Variants in CFAP20DC observed in about 807,000 individuals in gnomAD.
CFAP20DC encodes the protein CFAP20 domain containing.
A neutral mutation model predicts 101.7 loss-of-function variants in CFAP20DC; 84 were observed. The ratio of observed to expected loss-of-function variants is 0.83; its 90% CI spans 0.69 to 0.99. The LOEUF (loss-of-function observed/expected upper bound fraction) is 0.99. Ranked by LOEUF, CFAP20DC falls within the 50% of genes least tolerant of loss-of-function variation. The probability of loss-of-function intolerance (pLI) is 0.00; values close to 1 mark genes in which losing one functional copy is unlikely to be tolerated. For missense variants in CFAP20DC, 1,007 were observed against 970.3 expected (o/e 1.04, Z -0.50); for synonymous variants, 359 against 351.2 (o/e 1.02, Z -0.25).
At chr3:58,926,609 C>T (rs1460027666) in intron 5 of CFAP20DC, among the ~76,000 whole-genome samples, 1 of 152,130 alleles carries the variant, frequency 6.6e-6, no homozygotes, top group African/African-American at 2.4e-5. Context: ...AAATTAAACA[C>T]TATTAAAAAC....
chr3:58,806,370 A>C, intron 15 of CFAP20DC, 25 bp downstream of exon 15: 3 of 1,477,896 alleles, frequency 2.0e-6, no homozygotes, highest in Non-Finnish European at 2.8e-6. Context: ...TTTTTTCTTA[A>C]ATGTAGATTA....
rs139398435 is a variant in CFAP20DC at position 58,949,383 on chromosome 3, C to A, written c.279-11621G>T. 7.0e-3 allele frequency among the ~76,000 whole-genome samples: 1,067 copies of A among 152,204 alleles called. 15 individuals carry two copies. Among genetic ancestry groups the A allele is most frequent in the African/African-American group, 0.024 (1,001 of 41,530 alleles). ...TCTTTTAATTGTGATGTTACGGTGT[C>A]AATTTTAGATCTTTCCTGCTTTCAC... On this transcript the variant is annotated intron_variant, in intron 4 of 16. Coordinates refer to ENST00000482387, the MANE Select transcript of CFAP20DC (RefSeq NM_001394063.1).
At chr3:59,025,005 G>A (rs1274271459) in intron 4 of CFAP20DC, among the ~76,000 whole-genome samples, 2 of 152,148 alleles carry the variant, frequency 1.3e-5, no homozygotes, top group Admixed American at 1.3e-4. Flanking sequence ...GCAAACAGGG[G>A]CAGTGGAAAA....
chr3:58,822,015 A>C (rs1207337161), intron 14 of CFAP20DC, among the ~76,000 whole-genome samples: 2 of 144,758 alleles, frequency 1.4e-5, no homozygotes, highest in Non-Finnish European at 3.0e-5. Flanking sequence ...TGAAATTGGA[A>C]ATCATCATTC....
Position 58,868,322 on chromosome 3 carries a change from A to G in CFAP20DC, c.1016-386T>C, listed in dbSNP as rs2079862930. On this transcript the variant is annotated intron_variant, in intron 9 of 16. Transcript: ENST00000482387. The surrounding 1 kb of genome is among the most constrained non-coding windows in gnomAD (Gnocchi z 4.6). ...AACTATACTTTCAACAAGAGCATAGAGAGCAGCTTCCAAAAGAGCCCTGGA... is the reference window on the plus strand; with the variant it reads ...AACTATACTTTCAACAAGAGCATAGGGAGCAGCTTCCAAAAGAGCCCTGGA... Among the ~76,000 whole-genome samples, 1 of 152,164 alleles carries G rather than the reference A, an allele frequency of 6.6e-6. No individual in the cohort carries two copies.
intron 4 of CFAP20DC, among the ~76,000 whole-genome samples, chr3:59,031,898 T>G (rs1411968644): frequency 6.6e-6 from 1 of 152,184 alleles, no homozygotes; most frequent in African/African-American, 2.4e-5. Flanking sequence ...TTTCAAGAGG[T>G]GGCTGGCAAT....
At chr3:58,898,484 T>C (rs1442805240) in intron 6 of CFAP20DC, among the ~76,000 whole-genome samples, 1 of 152,240 alleles carries the variant, frequency 6.6e-6, no homozygotes, top group African/African-American at 2.4e-5. Flanking sequence ...CTGCTATTGA[T>C]ACCTGTGATT....
chr3:58,810,034 C>A (rs1359174314), intron 14 of CFAP20DC, among the ~76,000 whole-genome samples: 2 of 152,168 alleles, frequency 1.3e-5, no homozygotes, highest in Non-Finnish European at 2.9e-5. Context: ...AGACCAATAA[C>A]AGGCTCTGAA....
intron 4 of CFAP20DC, among the ~76,000 whole-genome samples, chr3:58,952,163 T>C (rs2090189496): frequency 2.0e-5 from 3 of 152,310 alleles, no homozygotes; most frequent in Admixed American, 1.3e-4. Flanking sequence ...CAAGTAGTGC[T>C]ATTCTTAGTT....
intron 15 of CFAP20DC, among the ~76,000 whole-genome samples, chr3:58,760,161 C>G (rs2069408423): frequency 6.6e-6 from 1 of 152,208 alleles, no homozygotes; most frequent in East Asian, 1.9e-4. Context: ...TCTTCCTACC[C>G]ATGAGCATGC....
At chr3:58,771,321 G>A (rs538641878) in intron 15 of CFAP20DC, among the ~76,000 whole-genome samples, 1 of 152,046 alleles carries the variant, frequency 6.6e-6, no homozygotes, top group South Asian at 2.1e-4. Context: ...GATGGCTGCA[G>A]CAAACCACCA....
At chr3:58,842,102 C>G (rs1337945518) in intron 13 of CFAP20DC, among the ~76,000 whole-genome samples, 1 of 152,174 alleles carries the variant, frequency 6.6e-6, no homozygotes, top group African/African-American at 2.4e-5. Flanking sequence ...CAAGTTTACC[C>G]AGCACTTAGC....
intron 15 of CFAP20DC, among the ~76,000 whole-genome samples, chr3:58,787,708 T>C (rs1437638405): frequency 6.6e-6 from 1 of 152,056 alleles, no homozygotes; most frequent in African/African-American, 2.4e-5. Flanking sequence ...TGCAGCACTA[T>C]TTACAATAGC....
chr3:58,786,857 A>G (rs976596076), intron 15 of CFAP20DC, among the ~76,000 whole-genome samples: 3 of 151,912 alleles, frequency 2.0e-5, no homozygotes, highest in Non-Finnish European at 2.9e-5. Flanking sequence ...GTATATTACT[A>G]TAATTGTTCT....
intron 4 of CFAP20DC, among the ~76,000 whole-genome samples, chr3:58,994,076 T>C (rs986105024): frequency 6.6e-6 from 1 of 152,196 alleles, no homozygotes; most frequent in Non-Finnish European, 1.5e-5. Flanking sequence ...GACACTTTCA[T>C]CTGCCTCAAT....
intron 4 of CFAP20DC, among the ~76,000 whole-genome samples, chr3:59,037,640 G>A (rs2094128186): frequency 6.6e-6 from 1 of 152,138 alleles, no homozygotes; most frequent in South Asian, 2.1e-4. Context: ...AACAGATGCT[G>A]GAGAGGATGT....
At chr3:58,768,504 A>G (rs931030061) in intron 15 of CFAP20DC, among the ~76,000 whole-genome samples, 3 of 152,126 alleles carry the variant, frequency 2.0e-5, no homozygotes, top group African/African-American at 7.2e-5. Flanking sequence ...ATACCTTACT[A>G]AGTCTTACAC....
At chr3:58,881,718 A>G (rs969171978) in intron 7 of CFAP20DC, among the ~76,000 whole-genome samples, 1 of 152,308 alleles carries the variant, frequency 6.6e-6, no homozygotes, top group African/African-American at 2.4e-5. Flanking sequence ...CACAATTTAC[A>G]TGAGTAGCCC....
At position 58,806,441 on chromosome 3, in the gene CFAP20DC, G is replaced by T; in HGVS notation, c.2191C>A (p.Arg731Ser). ...GGGTTCATTTCTTTCTGATAGTGGC[G>T]ACCCTGGTTGACAGGCTGGAAAAGA... ...SCLPPPVNQG[R>S]HYQKEMNPPS... Residue 731 changes from arginine (R) to serine (S), a missense_variant, in exon 15 of 17, where the codon CGC becomes AGC. By Grantham distance (110) the Arg-to-Ser change is moderately radical. Transcript: ENST00000482387. 2 of 1,611,750 alleles carry T rather than the reference G, an allele frequency of 1.2e-6. No homozygotes were observed. Among genetic ancestry groups the T allele is most frequent in the Non-Finnish European group, 1.7e-6 (2 of 1,177,940 alleles).
Sources: gnomAD v4.1 joint callset for allele counts (sites outside exome capture counted in the v4.1 genomes callset) on GRCh38, gnomAD v4.1.1 for gene constraint, Gnocchi (gnomAD v3.1) non-coding constraint, MANE v1.5 for transcripts, NCBI Gene and HGNC (gene_info 2026-07-23, HGNC 2026-07-21) for gene names.